Variants in HMG20A observed in about 807,000 individuals in gnomAD.
The protein encoded by HMG20A is high mobility group protein 20A.
HMG20A carries 17 observed loss-of-function variants against 43.9 expected under a neutral mutation model. That is an observed-to-expected ratio of 0.39 (90% CI 0.27 to 0.58). The LOEUF (loss-of-function observed/expected upper bound fraction) is 0.58, where lower values mean the gene tolerates loss of function less well. Among genes scored for constraint, HMG20A ranks in the 20% least tolerant of loss-of-function variants. The pLI is 0.59. For synonymous variants in HMG20A, 132 were observed against 147.5 expected (o/e 0.89, Z 0.76); for missense variants, 341 against 438.2 (o/e 0.78, Z 1.98).
At chr15:77,437,336 G>A (rs949674886) in intron 1 of HMG20A, among the ~76,000 whole-genome samples, 4 of 152,182 alleles carry the variant, frequency 2.6e-5, no homozygotes, top group Non-Finnish European at 4.4e-5. Context: ...CTGAAAATAT[G>A]TAATGAATAA....
Position 77,484,822 on chromosome 15 carries a change from G to A in HMG20A, c.*1859G>A, listed in dbSNP as rs1422486784. 6.6e-6 allele frequency: 1 copy of A among 152,154 alleles called. No homozygotes were observed. The highest frequency in any genetic ancestry group is 1.5e-5 in the Non-Finnish European group (1 of 68,036). 9.4% of individuals were successfully genotyped at this position (152,154 alleles called of 1,614,324 possible). A position where few individuals can be genotyped will look rare whatever the true frequency, so the allele number is the denominator to read the frequency against. ...TGCAAAGCCCAAGCTAGAACTCACT[G>A]TCTATGGCAGAAGGACATCCAGAGC... On this transcript the variant is annotated 3_prime_UTR_variant, in exon 10 of 10. Coordinates refer to ENST00000336216, the MANE Select transcript of HMG20A (RefSeq NM_001304504.2).
chr15:77,512,919 G>A, the HMG20A span, among the ~76,000 whole-genome samples: 5 of 152,162 alleles, frequency 3.3e-5, no homozygotes, highest in Non-Finnish European at 7.3e-5. Flanking sequence ...TAACCTGACA[G>A]GATGCAATGC....
chr15:77,501,731 C>T, the HMG20A span, among the ~76,000 whole-genome samples: 1 of 152,206 alleles, frequency 6.6e-6, no homozygotes, highest in Non-Finnish European at 1.5e-5. Context: ...TACCCCCAGA[C>T]CCTTCCTCCT....
chr15:77,449,536 C>T (rs2073712226), intron 1 of HMG20A, among the ~76,000 whole-genome samples: 1 of 152,140 alleles, frequency 6.6e-6, no homozygotes, highest in Non-Finnish European at 1.5e-5. Context: ...GTATGCATAT[C>T]AAAGTCAGTT....
intron 1 of HMG20A, among the ~76,000 whole-genome samples, chr15:77,430,341 G>A (rs1171433442): frequency 1.3e-5 from 2 of 152,158 alleles, no homozygotes; most frequent in East Asian, 3.8e-4. Context: ...CCCAAGCTAT[G>A]GTTTCCACTT....
chr15:77,487,672 A>G (rs921314808), downstream of HMG20A, among the ~76,000 whole-genome samples: 4 of 152,180 alleles, frequency 2.6e-5, no homozygotes, highest in Non-Finnish European at 5.9e-5. Context: ...ACACCAGGAC[A>G]AGCTTTCCCT....
intron 4 of HMG20A, among the ~76,000 whole-genome samples, chr15:77,469,546 C>G (rs1414331663): frequency 1.3e-5 from 2 of 152,144 alleles, no homozygotes; most frequent in African/African-American, 4.8e-5. Context: ...GTTGCCTAGG[C>G]TGGACTCAAA....
chr15:77,438,674 T>C (rs1054814080), intron 1 of HMG20A, among the ~76,000 whole-genome samples: 5 of 152,230 alleles, frequency 3.3e-5, no homozygotes, highest in Non-Finnish European at 7.3e-5. Context: ...TAGAAAATTA[T>C]AAGCACAACA....
At chr15:77,503,131 C>CTCCA in the HMG20A span, among the ~76,000 whole-genome samples, 1 of 152,192 alleles carries the variant, frequency 6.6e-6, no homozygotes, top group Non-Finnish European at 1.5e-5. Flanking sequence ...TCCAGCCTCC[C>CTCCA]TCCAGTTCAT....
At chr15:77,421,784 T>C (rs1232697723) in intron 1 of HMG20A, among the ~76,000 whole-genome samples, 2 of 152,270 alleles carry the variant, frequency 1.3e-5, no homozygotes, top group Non-Finnish European at 2.9e-5. Context: ...TTTTGCCCTG[T>C]GCCTGAGAAC....
At chr15:77,511,497 G>C in the HMG20A span, among the ~76,000 whole-genome samples, 1 of 152,188 alleles carries the variant, frequency 6.6e-6, no homozygotes, top group Non-Finnish European at 1.5e-5. Flanking sequence ...CAGACAGAAA[G>C]TGCTCAAAGA....
intron 1 of HMG20A, among the ~76,000 whole-genome samples, chr15:77,452,586 A>G (rs1205251081): frequency 6.6e-6 from 1 of 152,250 alleles, no homozygotes; most frequent in East Asian, 1.9e-4. Flanking sequence ...AGGTCAGAGA[A>G]TATGGTGCAT....
intron 3 of HMG20A, chr15:77,464,858 T>A (rs1400598048): frequency 6.6e-6 from 1 of 152,414 alleles, no homozygotes; most frequent in Non-Finnish European, 1.5e-5. Flanking sequence ...TGTTGGACTT[T>A]CAGTGTTTCT....
At chr15:77,422,267 T>A (rs2073370476) in intron 1 of HMG20A, among the ~76,000 whole-genome samples, 1 of 152,194 alleles carries the variant, frequency 6.6e-6, no homozygotes, top group Non-Finnish European at 1.5e-5. Flanking sequence ...GCCTGTGTAC[T>A]TTTTCTTTTG....
intron 2 of HMG20A, among the ~76,000 whole-genome samples, chr15:77,463,014 C>T (rs2142332780): frequency 6.6e-6 from 1 of 152,198 alleles, no homozygotes; most frequent in African/African-American, 2.4e-5. Context: ...TCAAGTGATC[C>T]ACCTGCCTTG....
At chr15:77,511,384 C>T in the HMG20A span, among the ~76,000 whole-genome samples, 267 of 152,194 alleles carry the variant, frequency 1.8e-3, 1 homozygote, top group African/African-American at 6.2e-3. Context: ...CCAGATCTGC[C>T]CCCAAATCAT....
intron 1 of HMG20A, among the ~76,000 whole-genome samples, chr15:77,433,808 T>G (rs1329253693): frequency 1.3e-5 from 2 of 152,212 alleles, no homozygotes; most frequent in African/African-American, 2.4e-5. Flanking sequence ...AAGATATCAT[T>G]TCTCTCCAAA....
chr15:77,516,245 C>G, the HMG20A span, among the ~76,000 whole-genome samples: 1 of 152,192 alleles, frequency 6.6e-6, no homozygotes, highest in African/African-American at 2.4e-5. Flanking sequence ...CCAGCACAGT[C>G]ATCGCTGGCA....
chr15:77,447,696 C>T (rs749571008), intron 1 of HMG20A: 1 of 152,082 alleles, frequency 6.6e-6, no homozygotes, highest in South Asian at 2.1e-4. Flanking sequence ...CTCTTTTTCT[C>T]CCTTTTTATT....
Sources: allele counts gnomAD v4.1 joint callset (sites outside exome capture counted in the v4.1 genomes callset), GRCh38; gene constraint gnomAD v4.1.1; transcripts MANE v1.5; gene names NCBI Gene and HGNC (gene_info 2026-07-23, HGNC 2026-07-21).